Variants in MRTFB observed in about 807,000 individuals in gnomAD.
The protein encoded by MRTFB is myocardin-related transcription factor B.
MRTFB carries 29 observed loss-of-function variants against 104.2 expected under a neutral mutation model. The ratio of observed to expected loss-of-function variants is 0.28; its 90% CI spans 0.21 to 0.38. MRTFB has a LOEUF of 0.38. Ranked by LOEUF, MRTFB falls within the 10% of genes least tolerant of loss-of-function variation. MRTFB has a pLI of 1.00. For synonymous variants in MRTFB, 535 were observed against 519.5 expected (o/e 1.03, Z -0.41); for missense variants, 1,270 against 1,341.6 (o/e 0.95, Z 0.83).
chr16:14,215,282 G>T (rs226789), intron 6 of MRTFB, among the ~76,000 whole-genome samples: 34,530 of 152,116 alleles, frequency 0.23, 7,359 homozygotes, highest in African/African-American at 0.55. Context: ...CAAGTTGGGA[G>T]TTTTGAAATA....
In MRTFB at chr16:14,136,613, G is replaced by C. The variant is rs117064764; in HGVS notation, c.-63-3931G>C. Among the ~76,000 whole-genome samples the C allele has an allele frequency of 1.0e-3, 159 of 152,150 alleles. 1 individual carries two copies. The East Asian group carries it at 0.029, about 28-fold the overall frequency. ...GAGAAGCACTTGTGAACACATATTA[G>C]CACTGATTTGGGGACTACCTTAGCC... is the stretch of plus-strand genomic sequence containing the variant. On this transcript the variant is annotated intron_variant, in intron 2 of 16. Coordinates refer to ENST00000571589, the MANE Select transcript of MRTFB (RefSeq NM_001308142.2).
intron 3 of MRTFB, among the ~76,000 whole-genome samples, chr16:14,202,272 T>C (rs1025550998): frequency 1.3e-5 from 2 of 152,178 alleles, no homozygotes; most frequent in African/African-American, 4.8e-5. Flanking sequence ...GCCATAGAAA[T>C]CTAACAGTGG....
At chr16:14,026,219 C>G in the MRTFB span, among the ~76,000 whole-genome samples, 1 of 152,118 alleles carries the variant, frequency 6.6e-6, no homozygotes, top group Non-Finnish European at 1.5e-5. Flanking sequence ...GATGTTAAGA[C>G]TTACTATATA....
chr16:14,067,236 T>G (rs1390920957), upstream of MRTFB, among the ~76,000 whole-genome samples: 4 of 151,524 alleles, frequency 2.6e-5, no homozygotes, highest in African/African-American at 9.7e-5. Context: ...TTTTTTTTTT[T>G]TTTGAGACAG....
At chr16:13,997,490 A>G in the MRTFB span, among the ~76,000 whole-genome samples, 1 of 152,232 alleles carries the variant, frequency 6.6e-6, no homozygotes, top group Non-Finnish European at 1.5e-5. Flanking sequence ...AAAGTTTACA[A>G]GGACATTCAG....
chr16:14,024,508 A>G, the MRTFB span, among the ~76,000 whole-genome samples: 1 of 152,214 alleles, frequency 6.6e-6, no homozygotes, highest in Non-Finnish European at 1.5e-5. Flanking sequence ...GGCAGTAGCT[A>G]TTAAAATTAA....
chr16:13,999,926 G>C, the MRTFB span, among the ~76,000 whole-genome samples: 1 of 152,214 alleles, frequency 6.6e-6, no homozygotes, highest in Non-Finnish European at 1.5e-5. Context: ...GTTTCTAGGA[G>C]GAAGTAAGCC....
chr16:14,061,494 G>C, the MRTFB span, among the ~76,000 whole-genome samples: 1 of 145,040 alleles, frequency 6.9e-6, no homozygotes, highest in Admixed American at 6.9e-5. Context: ...TAAGAAGCTT[G>C]TTCAAGGCCA....
intron 7 of MRTFB, 68 bp downstream of exon 7, chr16:14,217,355 A>G: frequency 7.1e-7 from 1 of 1,408,620 alleles, no homozygotes. Flanking sequence ...TAAAACAAAT[A>G]TAATTTAAAG....
chr16:14,002,620 G>A, the MRTFB span, among the ~76,000 whole-genome samples: 3 of 152,140 alleles, frequency 2.0e-5, no homozygotes, highest in Non-Finnish European at 2.9e-5. Flanking sequence ...TGTAAATACC[G>A]TTTATACTGG....
intron 2 of MRTFB, among the ~76,000 whole-genome samples, chr16:14,105,421 A>G (rs1329055443): frequency 1.3e-5 from 2 of 151,460 alleles, no homozygotes; most frequent in Non-Finnish European, 2.9e-5. Context: ...TTTTTGAGAC[A>G]GGGTCTCGCT....
In MRTFB at chr16:14,252,507, G is replaced by A. The variant is rs762582283; in HGVS notation, c.2703+5G>A. 2 of 1,613,990 alleles carry A rather than the reference G, an allele frequency of 1.2e-6. No homozygotes were observed. Among genetic ancestry groups the A allele is most frequent in the Non-Finnish European group, 1.7e-6 (2 of 1,179,974 alleles). On this transcript the variant is annotated splice_donor_5th_base_variant and intron_variant, in intron 15 of 16. Coordinates refer to ENST00000571589, the MANE Select transcript of MRTFB (RefSeq NM_001308142.2). ...ACACAGGCCCCTCTGCCAGAGGTAAGTGAGGGCACGGTCATGGTGCATAAG... is the reference window on the plus strand; with the variant it reads ...ACACAGGCCCCTCTGCCAGAGGTAAATGAGGGCACGGTCATGGTGCATAAG...
intron 3 of MRTFB, among the ~76,000 whole-genome samples, chr16:14,201,475 T>C (rs2040700934): frequency 6.6e-6 from 1 of 152,226 alleles, no homozygotes; most frequent in African/African-American, 2.4e-5. Flanking sequence ...GTTTTTAATA[T>C]GTACTTCCTG....
the MRTFB span, among the ~76,000 whole-genome samples, chr16:14,016,275 A>G: frequency 6.6e-6 from 1 of 152,044 alleles, no homozygotes; most frequent in Non-Finnish European, 1.5e-5. Context: ...TCACCATCTG[A>G]CCAATAACAC....
chr16:14,098,386 A>T (rs79480932), intron 2 of MRTFB, among the ~76,000 whole-genome samples: 2 of 152,160 alleles, frequency 1.3e-5, no homozygotes, highest in Non-Finnish European at 2.9e-5. Flanking sequence ...TAAAGTATCA[A>T]ATCTTTTATA....
chr16:14,217,722 A>C (rs946890326), intron 7 of MRTFB, among the ~76,000 whole-genome samples: 1 of 152,260 alleles, frequency 6.6e-6, no homozygotes, highest in African/African-American at 2.4e-5. Flanking sequence ...AAGTAGCATT[A>C]TTATTGAAAT....
chr16:14,026,355 A>G, the MRTFB span, among the ~76,000 whole-genome samples: 1 of 152,230 alleles, frequency 6.6e-6, no homozygotes, highest in Non-Finnish European at 1.5e-5. Context: ...TAAGATAATC[A>G]TAGCCAAAAA....
At position 14,248,918 on chromosome 16, in the gene MRTFB, C is replaced by T. The variant is rs751960004; in HGVS notation, c.2248-8C>T. 3.1e-6 allele frequency: 5 copies of T among 1,610,534 alleles called. No individual in the cohort carries two copies. The South Asian group carries it at 5.5e-5, about 18-fold the overall frequency. On this transcript the variant is annotated splice_polypyrimidine_tract_variant and splice_region_variant and intron_variant, in intron 12 of 16. Transcript: ENST00000571589. ...TTAAATTGATGTTTTTTTCAATTCA[C>T]CTCCTAGACTTCACCACAAGCAGGA...
chr16:14,190,804 G>C (rs1425491823), intron 3 of MRTFB, among the ~76,000 whole-genome samples: 1 of 152,204 alleles, frequency 6.6e-6, no homozygotes, highest in African/African-American at 2.4e-5. Flanking sequence ...CTGGGGACCT[G>C]GGCTCCTGTC....
Sources: allele counts gnomAD v4.1 joint callset (sites outside exome capture counted in the v4.1 genomes callset), GRCh38; gene constraint gnomAD v4.1.1; transcripts MANE v1.5; gene names NCBI Gene and HGNC (gene_info 2026-07-23, HGNC 2026-07-21).